ADAMTSL1: variants seen among roughly 807,000 people sequenced by gnomAD.
ADAMTSL1 encodes the protein ADAMTS like 1.
Under a neutral mutation model 201.8 loss-of-function variants are expected in ADAMTSL1, and 126 were observed. The observed-to-expected ratio is 0.62, with a 90% CI of 0.54 to 0.72. ADAMTSL1 has a LOEUF of 0.72. Ranked by LOEUF, ADAMTSL1 falls within the 30% of genes least tolerant of loss-of-function variation. The probability of loss-of-function intolerance (pLI) is 0.00; values close to 1 mark genes in which losing one functional copy is unlikely to be tolerated. For missense variants in ADAMTSL1, 2,679 were observed against 2,277.8 expected (o/e 1.18, Z -3.59); for synonymous variants, 1,121 against 903.4 (o/e 1.24, Z -4.32).
intron 2 of ADAMTSL1, among the ~76,000 whole-genome samples, chr9:18,341,945 G>A (rs1443624755): frequency 1.3e-5 from 2 of 152,106 alleles, no homozygotes; most frequent in Non-Finnish European, 2.9e-5. Context: ...CTTGGTTGAT[G>A]TCCACTTTGG....
intron 4 of ADAMTSL1, among the ~76,000 whole-genome samples, chr9:18,615,943 C>T (rs979082564): frequency 3.3e-5 from 5 of 152,144 alleles, no homozygotes; most frequent in African/African-American, 1.2e-4. Context: ...CCAGCCCTGC[C>T]CTAAGTACTC....
At chr9:18,316,201 A>G (rs1474145240) in intron 2 of ADAMTSL1, among the ~76,000 whole-genome samples, 1 of 152,194 alleles carries the variant, frequency 6.6e-6, no homozygotes, top group Non-Finnish European at 1.5e-5. Flanking sequence ...AGGCAGGGCA[A>G]GATCACAGGA....
intron 2 of ADAMTSL1, among the ~76,000 whole-genome samples, chr9:18,526,819 A>C (rs894902592): frequency 6.6e-6 from 1 of 152,142 alleles, no homozygotes; most frequent in African/African-American, 2.4e-5. Flanking sequence ...GTACTACTTA[A>C]AATCCCTTGG....
intron 2 of ADAMTSL1, among the ~76,000 whole-genome samples, chr9:18,326,087 T>C (rs1834821715): frequency 1.3e-5 from 2 of 152,198 alleles, no homozygotes; most frequent in Admixed American, 6.5e-5. Flanking sequence ...CCTCATGGCC[T>C]AATGACCTTG....
intron 16 of ADAMTSL1, among the ~76,000 whole-genome samples, chr9:18,760,906 T>C (rs1358596282): frequency 6.6e-6 from 1 of 152,250 alleles, no homozygotes; most frequent in Non-Finnish European, 1.5e-5. Context: ...AGAGATTTAA[T>C]TGCACTCTTT....
intron 23 of ADAMTSL1, among the ~76,000 whole-genome samples, chr9:18,834,799 G>C (rs960263050): frequency 6.6e-6 from 1 of 152,098 alleles, no homozygotes; most frequent in Admixed American, 6.5e-5. Context: ...TTGTAACATG[G>C]ATCAACAGGG....
At chr9:18,064,557 G>A (rs867491401) in intron 1 of ADAMTSL1, among the ~76,000 whole-genome samples, 1 of 152,126 alleles carries the variant, frequency 6.6e-6, no homozygotes, top group African/African-American at 2.4e-5. Context: ...AGATTGATTT[G>A]GGTATAAGGT....
chr9:17,947,326 CACACACACACACACACACA>C (rs1827537881), intron 1 of ADAMTSL1, among the ~76,000 whole-genome samples: 1 of 143,856 alleles, frequency 7.0e-6, no homozygotes, highest in Non-Finnish European at 1.5e-5. Context: ...CACACACACA[CACACACACACACACACACA>C]CCCCACTATG....
intron 16 of ADAMTSL1, among the ~76,000 whole-genome samples, chr9:18,767,385 G>A (rs1820425527): frequency 6.6e-6 from 1 of 152,108 alleles, no homozygotes; most frequent in Admixed American, 6.5e-5. Context: ...CAAATCCTTA[G>A]GAGTCAGTAA....
intron 2 of ADAMTSL1, among the ~76,000 whole-genome samples, chr9:18,197,547 T>C (rs1433553903): frequency 7.1e-6 from 1 of 139,862 alleles, no homozygotes; most frequent in East Asian, 2.0e-4. Flanking sequence ...GAGACTTTGC[T>C]GAAGTTGCTT....
intron 1 of ADAMTSL1, among the ~76,000 whole-genome samples, chr9:18,008,684 A>G (rs890173264): frequency 7.2e-5 from 11 of 151,834 alleles, no homozygotes; most frequent in African/African-American, 2.2e-4. Context: ...AGAGCTCTCA[A>G]TGGTCCCACC....
At chr9:18,167,801 A>C (rs1827702271) in intron 2 of ADAMTSL1, among the ~76,000 whole-genome samples, 1 of 152,028 alleles carries the variant, frequency 6.6e-6, no homozygotes, top group Non-Finnish European at 1.5e-5. Context: ...TAATTTGCTT[A>C]ATTATATTTC....
intron 23 of ADAMTSL1, among the ~76,000 whole-genome samples, chr9:18,869,725 T>A (rs967614779): frequency 6.6e-6 from 1 of 152,192 alleles, no homozygotes; most frequent in African/African-American, 2.4e-5. Context: ...CTAGCTTTTT[T>A]TCTGTCCTGG....
intron 1 of ADAMTSL1, among the ~76,000 whole-genome samples, chr9:18,066,776 G>C (rs1338776531): frequency 6.6e-6 from 1 of 152,102 alleles, no homozygotes; most frequent in South Asian, 2.1e-4. Flanking sequence ...AGAAAATGTG[G>C]CACATATACA....
At chr9:18,578,912 A>T (rs936689698) in intron 4 of ADAMTSL1, among the ~76,000 whole-genome samples, 1 of 150,684 alleles carries the variant, frequency 6.6e-6, no homozygotes, top group African/African-American at 2.4e-5. Context: ...CTTTTTAATG[A>T]TTGCCATTCT....
intron 4 of ADAMTSL1, among the ~76,000 whole-genome samples, chr9:18,620,623 G>A (rs1355798546): frequency 6.6e-6 from 1 of 152,152 alleles, no homozygotes; most frequent in Non-Finnish European, 1.5e-5. Context: ...TCTTAAGCCA[G>A]CACATGTTTG....
chr9:18,621,368 C>A (rs1297220019), intron 4 of ADAMTSL1, among the ~76,000 whole-genome samples: 1 of 152,158 alleles, frequency 6.6e-6, no homozygotes, highest in Non-Finnish European at 1.5e-5. Flanking sequence ...TAGAACTCAG[C>A]TGCTTATTAG....
At chr9:18,592,904 T>C (rs1252390267) in intron 4 of ADAMTSL1, among the ~76,000 whole-genome samples, 1 of 152,182 alleles carries the variant, frequency 6.6e-6, no homozygotes, top group Non-Finnish European at 1.5e-5. Flanking sequence ...CTTTCATCAG[T>C]GTTTTACAGT....
chr9:18,815,736 G>GAAAAAAAAAAAA (rs1823806311), intron 20 of ADAMTSL1, among the ~76,000 whole-genome samples: 1 of 100,994 alleles, frequency 9.9e-6, no homozygotes, highest in Non-Finnish European at 2.2e-5. Flanking sequence ...AAAAAAAAAA[G>GAAAAAAAAAAAA]AGAAAAAAAA....
Sources: allele counts gnomAD v4.1 joint callset (sites outside exome capture counted in the v4.1 genomes callset), GRCh38; gene constraint gnomAD v4.1.1; transcripts MANE v1.5; gene names NCBI Gene and HGNC (gene_info 2026-07-23, HGNC 2026-07-21).